The following LHFPL6 variants were observed in gnomAD, a reference collection of about 807,000 sequenced individuals.
LHFPL6 encodes LHFPL tetraspan subfamily member 6, also known as LHFPL tetraspan subfamily member 6 protein.
Under a neutral mutation model 20.6 loss-of-function variants are expected in LHFPL6, and 9 were observed. The observed-to-expected ratio is 0.44, with a 90% CI of 0.26 to 0.76. The LOEUF (loss-of-function observed/expected upper bound fraction) is 0.76, where lower values mean the gene tolerates loss of function less well. Ranked by LOEUF, LHFPL6 falls within the 30% of genes least tolerant of loss-of-function variation. The pLI is 0.20. For synonymous variants in LHFPL6, 105 were observed against 98.7 expected (o/e 1.06, Z -0.38); for missense variants, 218 against 253.5 (o/e 0.86, Z 0.95).
chr13:39,574,398 C>T (rs764123283), intron 2 of LHFPL6, among the ~76,000 whole-genome samples: 5 of 150,440 alleles, frequency 3.3e-5, no homozygotes, highest in Non-Finnish European at 5.9e-5. Context: ...AGCAGAATGG[C>T]GTGAACCCCA....
At chr13:39,546,253 C>T (rs1870979854) in intron 2 of LHFPL6, among the ~76,000 whole-genome samples, 1 of 151,974 alleles carries the variant, frequency 6.6e-6, no homozygotes, top group African/African-American at 2.4e-5. Context: ...ATAGACCGAC[C>T]CTTAATCTAA....
chr13:39,451,183 T>A (rs1165991166), intron 2 of LHFPL6, among the ~76,000 whole-genome samples: 1 of 152,180 alleles, frequency 6.6e-6, no homozygotes, highest in African/African-American at 2.4e-5. Context: ...TGTTTATTTA[T>A]TTATTAAGGG....
intron 2 of LHFPL6, among the ~76,000 whole-genome samples, chr13:39,513,752 G>T (rs1285162482): frequency 6.6e-6 from 1 of 152,100 alleles, no homozygotes; most frequent in Non-Finnish European, 1.5e-5. Flanking sequence ...ATTGTCCAAG[G>T]TTATATATCT....
chr13:39,497,361 T>C lies in LHFPL6; in HGVS notation c.385+103471A>G, dbSNP rs572458348. Reference sequence around the variant, plus strand: ...TTTATTCTCAATACATGAGCTCAAATTTAATAACTTTGCCATAATTAAGGG... The same window carrying C: ...TTTATTCTCAATACATGAGCTCAAACTTAATAACTTTGCCATAATTAAGGG... On this transcript the variant is annotated intron_variant, in intron 2 of 3. Transcript: ENST00000379589. Among the ~76,000 whole-genome samples, 10 of 152,280 alleles carry C rather than the reference T, an allele frequency of 6.6e-5. No individual in the cohort carries two copies. The South Asian group carries it at 2.1e-3, about 32-fold the overall frequency.
chr13:39,394,786 A>G (rs73456912), intron 2 of LHFPL6, among the ~76,000 whole-genome samples: 7,582 of 152,282 alleles, frequency 0.05, 194 homozygotes, highest in Middle Eastern at 0.071. Flanking sequence ...TCTAGGCTGC[A>G]GCTCAAAGAG....
chr13:39,525,538 T>C (rs1870259330), intron 2 of LHFPL6, among the ~76,000 whole-genome samples: 1 of 152,178 alleles, frequency 6.6e-6, no homozygotes, highest in Admixed American at 6.5e-5. Context: ...TAAGATCAAC[T>C]GCTAAAGGGT....
rs1297203749 is a variant in LHFPL6 at position 39,501,316 on chromosome 13, A to G, written c.385+99516T>C. Among the ~76,000 whole-genome samples the G allele has an allele frequency of 3.9e-5, 6 of 152,256 alleles. No individual in the cohort carries two copies. In the East Asian group the frequency reaches 1.2e-3, roughly 29 times the overall value. On this transcript the variant is annotated intron_variant, in intron 2 of 3. Coordinates refer to ENST00000379589, the MANE Select transcript of LHFPL6 (RefSeq NM_005780.3). ...CAGTATAGTGCCAGCCTCTCACGCT[A>G]TCCTTTCTCGTATCTTATTCTATTA...
intron 2 of LHFPL6, among the ~76,000 whole-genome samples, chr13:39,576,123 T>C (rs1392913362): frequency 6.6e-6 from 1 of 152,232 alleles, no homozygotes; most frequent in Admixed American, 6.5e-5. Flanking sequence ...GCAATTCCAT[T>C]TGGGACTTGT....
At chr13:39,344,729 A>G (rs1006123316) in intron 3 of LHFPL6, among the ~76,000 whole-genome samples, 2 of 152,206 alleles carry the variant, frequency 1.3e-5, no homozygotes, top group African/African-American at 2.4e-5. Context: ...ATGTAAGTAG[A>G]TTTATTTATC....
At chr13:39,540,631 G>C (rs1870766912) in intron 2 of LHFPL6, among the ~76,000 whole-genome samples, 1 of 152,060 alleles carries the variant, frequency 6.6e-6, no homozygotes, top group Admixed American at 6.5e-5. Flanking sequence ...TGTAAGTTTT[G>C]GGGGGCTAAC....
intron 2 of LHFPL6, among the ~76,000 whole-genome samples, chr13:39,465,689 A>G (rs1354435815): frequency 6.6e-6 from 1 of 152,094 alleles, no homozygotes; most frequent in Non-Finnish European, 1.5e-5. Flanking sequence ...CATCTGTAGG[A>G]AAAAGAAGTC....
At chr13:39,352,910 TG>T (rs1869617834) in intron 3 of LHFPL6, among the ~76,000 whole-genome samples, 2 of 32,566 alleles carry the variant, frequency 6.1e-5, no homozygotes, top group Admixed American at 4.1e-4. Flanking sequence ...TATATATAAA[TG>T]TATATATATA....
At chr13:39,489,529 G>A (rs1868842110) in intron 2 of LHFPL6, among the ~76,000 whole-genome samples, 1 of 148,530 alleles carries the variant, frequency 6.7e-6, no homozygotes, top group Admixed American at 6.8e-5. Context: ...GTATATCAAA[G>A]GAATGGAGAA....
At chr13:39,348,988 A>G (rs1165563198) in intron 3 of LHFPL6, among the ~76,000 whole-genome samples, 1 of 152,242 alleles carries the variant, frequency 6.6e-6, no homozygotes, top group Non-Finnish European at 1.5e-5. Flanking sequence ...AGAGTGTAAC[A>G]TAATAGCAGA....
chr13:39,411,766 C>T (rs188129061), intron 2 of LHFPL6, among the ~76,000 whole-genome samples: 78 of 152,348 alleles, frequency 5.1e-4, no homozygotes, highest in Admixed American at 1.2e-3. Context: ...CCTTGCCTAC[C>T]TCTAAATAAT....
At chr13:39,407,238 A>G (rs1371376122) in intron 2 of LHFPL6, among the ~76,000 whole-genome samples, 1 of 152,176 alleles carries the variant, frequency 6.6e-6, no homozygotes, top group Non-Finnish European at 1.5e-5. Flanking sequence ...TGACCAAGTA[A>G]TTAATGATTT....
chr13:39,355,778 C>T lies in LHFPL6; in HGVS notation c.485-11724G>A, dbSNP rs952590356. Among the ~76,000 whole-genome samples, 4 of 152,128 alleles carry T rather than the reference C, an allele frequency of 2.6e-5. No homozygotes were observed. The East Asian group carries it at 5.8e-4, about 22-fold the overall frequency. ...CAGACTTCAAACCAACCACAGTGAACAAGGACAAAGAAGGGCATTACATAA... is the reference window on the plus strand; with the variant it reads ...CAGACTTCAAACCAACCACAGTGAATAAGGACAAAGAAGGGCATTACATAA... On this transcript the variant is annotated intron_variant, in intron 3 of 3. Coordinates refer to ENST00000379589, the MANE Select transcript of LHFPL6 (RefSeq NM_005780.3).
chr13:39,585,252 C>T (rs1331592669), intron 2 of LHFPL6, among the ~76,000 whole-genome samples: 4 of 152,114 alleles, frequency 2.6e-5, no homozygotes, highest in Admixed American at 1.3e-4. Context: ...CTAAGGAGCA[C>T]AATATCAAAT....
chr13:39,350,413 A>T (rs748672652), intron 3 of LHFPL6, among the ~76,000 whole-genome samples: 3 of 152,230 alleles, frequency 2.0e-5, no homozygotes, highest in Non-Finnish European at 4.4e-5. Context: ...GTGCTCAATA[A>T]CAAGAAATTA....
Sources: gnomAD v4.1 joint callset for allele counts (sites outside exome capture counted in the v4.1 genomes callset) on GRCh38, gnomAD v4.1.1 for gene constraint, MANE v1.5 for transcripts, NCBI Gene and HGNC (gene_info 2026-07-23, HGNC 2026-07-21) for gene names.